The following RBM44 variants were observed in gnomAD, a reference collection of about 807,000 sequenced individuals.
RBM44 encodes the protein RNA-binding protein 44.
In RBM44, 66 loss-of-function variants were observed where a neutral mutation model predicts 105.1. The observed-to-expected ratio is 0.63, with a 90% CI of 0.52 to 0.77. The LOEUF (loss-of-function observed/expected upper bound fraction) is 0.77. Ranked by LOEUF, RBM44 falls within the 30% of genes least tolerant of loss-of-function variation. The probability of loss-of-function intolerance (pLI) is 0.00; values close to 1 mark genes in which losing one functional copy is unlikely to be tolerated. For synonymous variants in RBM44, 365 were observed against 417.6 expected, an observed-to-expected ratio of 0.87 and a Z score of 1.54; for missense variants, 1,122 against 1,207.8, an observed-to-expected ratio of 0.93 and a Z score of 1.05.
At chr2:237,819,642 A>G (rs2061761628) in intron 4 of RBM44, among the ~76,000 whole-genome samples, 1 of 152,038 alleles carries the variant, frequency 6.6e-6, no homozygotes, top group Admixed American at 6.6e-5. Context: ...ATACTCAAAA[A>G]AACATAGTGA....
intron 1 of RBM44, among the ~76,000 whole-genome samples, chr2:237,808,549 G>A (rs527843387): frequency 6.6e-6 from 1 of 152,074 alleles, no homozygotes; most frequent in South Asian, 2.1e-4. Context: ...CTCAGTGGAT[G>A]GGTTTCACAT....
At chr2:237,837,761 A>G (rs1419427619) in intron 15 of RBM44, among the ~76,000 whole-genome samples, 1 of 151,626 alleles carries the variant, frequency 6.6e-6, no homozygotes, top group Non-Finnish European at 1.5e-5. Flanking sequence ...TCTCCCACTC[A>G]GCCTCCCAAA....
At chr2:237,828,815 CCT>C (rs1319845588) in intron 12 of RBM44, among the ~76,000 whole-genome samples, 2 of 152,016 alleles carry the variant, frequency 1.3e-5, no homozygotes, top group African/African-American at 2.4e-5. Context: ...TAAAATTTTG[CCT>C]CTCACATTTA....
intron 1 of RBM44, among the ~76,000 whole-genome samples, chr2:237,811,762 T>G (rs2061660827): frequency 6.6e-6 from 1 of 152,220 alleles, no homozygotes; most frequent in South Asian, 2.1e-4. Context: ...CATGGCATTC[T>G]CAATTTTTAA....
At chr2:237,827,364 A>G in intron 11 of RBM44, 35 bp downstream of exon 11, 1 of 1,476,820 alleles carries the variant, frequency 6.8e-7, no homozygotes, top group Non-Finnish European at 9.3e-7. Flanking sequence ...CTTCATTTTC[A>G]AATTTATTAG....
intron 1 of RBM44, among the ~76,000 whole-genome samples, chr2:237,806,842 A>G (rs1403049265): frequency 2.0e-5 from 3 of 151,776 alleles, no homozygotes; most frequent in African/African-American, 7.3e-5. Context: ...GAAGTTGCCC[A>G]CCTGGCAAGG....
chr2:237,813,826 A>G (rs146618113), intron 2 of RBM44, 144 bp downstream of exon 2: 24 of 594,008 alleles, frequency 4.0e-5, no homozygotes, highest in African/African-American at 3.8e-4. Context: ...TAACTTGCCA[A>G]ATTGACTCAG....
rs2061754187 is a variant in RBM44 at position 237,819,030 on chromosome 2, G to C, written c.1736+71G>C. The C allele has an allele frequency of 1.1e-5, 8 of 738,510 alleles. No individual in the cohort carries two copies. In the South Asian group the frequency reaches 1.6e-4, roughly 15 times the overall value. The allele number at this position is 738,510 out of a possible 1,614,324, so 45.7% of individuals were successfully genotyped here. A position where few individuals can be genotyped will look rare whatever the true frequency, so the allele number is the denominator to read the frequency against. On this transcript the variant is annotated intron_variant, in intron 4 of 15. Transcript: ENST00000316997. ...CAAAATAGTATTTGCTTTCTGTATA[G>C]CATACTTACCCATATAGAATAATAG...
chr2:237,799,681 C>A (rs1446810742), intron 1 of RBM44, among the ~76,000 whole-genome samples: 3 of 152,264 alleles, frequency 2.0e-5, no homozygotes, highest in Non-Finnish European at 4.4e-5. Flanking sequence ...ACACAGAGCC[C>A]GGACCGTTGT....
At chr2:237,835,170 A>C (rs1175951693) in intron 15 of RBM44, among the ~76,000 whole-genome samples, 3 of 152,312 alleles carry the variant, frequency 2.0e-5, no homozygotes, top group African/African-American at 7.2e-5. Context: ...GCACCCATAT[A>C]AAACAGCAAA....
At chr2:237,810,528 G>T (rs2061648440) in intron 1 of RBM44, among the ~76,000 whole-genome samples, 2 of 152,086 alleles carry the variant, frequency 1.3e-5, no homozygotes, top group Non-Finnish European at 2.9e-5. Flanking sequence ...GTATTCCTTT[G>T]TTACTGGCCA....
intron 10 of RBM44, among the ~76,000 whole-genome samples, chr2:237,825,333 C>T (rs1157109281): frequency 1.3e-5 from 2 of 151,864 alleles, no homozygotes; most frequent in Non-Finnish European, 2.9e-5. Flanking sequence ...AGTGATTCTC[C>T]TGCCTCAGCT....
chr2:237,830,006 T>A (rs78726074), intron 13 of RBM44, among the ~76,000 whole-genome samples: 4 of 151,998 alleles, frequency 2.6e-5, no homozygotes, highest in East Asian at 1.9e-4. Flanking sequence ...AAAAAAAAAA[T>A]TACGCACAGT....
At chr2:237,814,072 TA>T (rs1474373827) in intron 2 of RBM44, among the ~76,000 whole-genome samples, 1 of 152,012 alleles carries the variant, frequency 6.6e-6, no homozygotes, top group Non-Finnish European at 1.5e-5. Flanking sequence ...AGCAAGAAAA[TA>T]AGAAATAGCA....
intron 1 of RBM44, among the ~76,000 whole-genome samples, chr2:237,806,395 T>A (rs560122833): frequency 5.2e-4 from 79 of 152,304 alleles, no homozygotes; most frequent in Non-Finnish European, 8.2e-4. Flanking sequence ...CATCCTACTT[T>A]CTTTGGGCTT....
At chr2:237,816,193 C>G (rs992449189) in intron 2 of RBM44, among the ~76,000 whole-genome samples, 5 of 152,040 alleles carry the variant, frequency 3.3e-5, no homozygotes, top group Non-Finnish European at 7.4e-5. Context: ...CTGAAGTCTG[C>G]TTCCCTTTTT....
intron 1 of RBM44, among the ~76,000 whole-genome samples, chr2:237,802,749 C>T (rs1489961959): frequency 2.6e-5 from 4 of 152,132 alleles, no homozygotes; most frequent in African/African-American, 7.2e-5. Flanking sequence ...AGAAAACAGG[C>T]TCAGTCATTA....
In RBM44 at chr2:237,818,433, A is replaced by G. The variant is rs1368009216; in HGVS notation, c.1514A>G (p.Lys505Arg). 6.2e-7 allele frequency: 1 copy of G among 1,602,148 alleles called. No individual in the cohort carries two copies. Among genetic ancestry groups the G allele is most frequent in the Admixed American group, 1.7e-5 (1 of 59,468 alleles). Residue 505 changes from lysine to arginine, a missense_variant, in exon 3 of 16, where the codon AAA becomes AGA. Physicochemically the swap from Lys to Arg is conservative, Grantham distance 26. Coordinates refer to ENST00000316997, the MANE Select transcript of RBM44 (RefSeq NM_001080504.3). The surrounding 1 kb of genome is among the most constrained non-coding windows in gnomAD (Gnocchi z 4.6). ...SNTEITMMNK[K>R]RPDEWQNEKQ... is the part of the protein sequence containing the mutation. ...ACAGAGATAACAATGATGAATAAAA[A>G]ACGACCTGATGAATGGCAAAATGAG...
chr2:237,834,107 A>G lies in RBM44; in HGVS notation c.2997A>G (p.Ile999Met), dbSNP rs1419023665. 4 of 1,582,240 alleles carry G rather than the reference A, an allele frequency of 2.5e-6. No homozygotes were observed. The highest frequency in any genetic ancestry group is 3.4e-6 in the Non-Finnish European group (4 of 1,162,312). ...TLNLRSFTKI[I>M]KRLAELHPEV... ...ACCTTCGTAGCTTTACCAAGATCAT[A>G]AAGAGACTGGCTGAACTGCATCCAG... The change falls in exon 14 of 16, where the codon ATA (isoleucine) becomes ATG (methionine). Residue 999 changes from isoleucine (I) to methionine (M), a missense_variant. This residue lies in a region of RBM44 where 194 missense variants were observed against 225.5 expected (regional missense o/e 0.86). Coordinates refer to ENST00000316997, the MANE Select transcript of RBM44 (RefSeq NM_001080504.3).
Sources: gnomAD v4.1 joint callset for allele counts (sites outside exome capture counted in the v4.1 genomes callset) on GRCh38, gnomAD v4.1.1 for gene constraint, gnomAD v4.1.1 regional missense constraint, Gnocchi (gnomAD v3.1) non-coding constraint, MANE v1.5 for transcripts, NCBI Gene and HGNC (gene_info 2026-07-23, HGNC 2026-07-21) for gene names.